The following STON2 variants were observed in gnomAD, a reference collection of about 807,000 sequenced individuals.
STON2 encodes the protein stonin-2.
Under a neutral mutation model 65.7 loss-of-function variants are expected in STON2, and 29 were observed. That is an observed-to-expected ratio of 0.44 (90% CI 0.33 to 0.60). The LOEUF is 0.60. Ranked by LOEUF, STON2 falls within the 20% of genes least tolerant of loss-of-function variation. The pLI is 0.03. For synonymous variants in STON2, 404 were observed against 414.2 expected (o/e 0.98, Z 0.30); for missense variants, 1,054 against 1,118.1 (o/e 0.94, Z 0.82).
intron 2 of STON2, among the ~76,000 whole-genome samples, chr14:81,397,761 C>T (rs1456769208): frequency 6.6e-6 from 1 of 152,192 alleles, no homozygotes; most frequent in African/African-American, 2.4e-5. Context: ...GAGCTCTTTC[C>T]ACGTGCCAGG....
intron 7 of STON2, chr14:81,269,292 C>T (rs896738883): frequency 7.0e-5 from 69 of 984,372 alleles, no homozygotes; most frequent in Non-Finnish European, 8.2e-5. Context: ...AGCCATGAGC[C>T]ACAGCACCCG....
In STON2 at chr14:81,278,701, T is replaced by A. The variant is rs374293495; in HGVS notation, c.781A>T (p.Met261Leu). The change falls in exon 6 of 8, where the codon ATG (methionine) becomes TTG (leucine). Residue 261 changes from methionine (M) to leucine (L), a missense_variant. Physicochemically the swap from Met to Leu is conservative, Grantham distance 15 (BLOSUM62 2). Coordinates refer to ENST00000614646, the MANE Select transcript of STON2 (RefSeq NM_001394390.1). ...SSLQEDEEVE[M>L]EAISWQASSP... is the part of the protein sequence containing the mutation. ...CTGGCCTGCCAGCTGATGGCCTCCATCTCTACTTCTTCATCTTCTTGAAGC... is the reference window on the plus strand; with the variant it reads ...CTGGCCTGCCAGCTGATGGCCTCCAACTCTACTTCTTCATCTTCTTGAAGC... 6.6e-7 allele frequency: 1 copy of A among 1,520,692 alleles called. No individual in the cohort carries two copies. Among genetic ancestry groups the A allele is most frequent in the African/African-American group, 1.4e-5 (1 of 71,684 alleles). 94.2% of individuals were successfully genotyped at this position (1,520,692 alleles called of 1,614,324 possible).
At chr14:81,362,998 A>G (rs1269582697) in intron 4 of STON2, among the ~76,000 whole-genome samples, 1 of 152,190 alleles carries the variant, frequency 6.6e-6, no homozygotes, top group Non-Finnish European at 1.5e-5. Flanking sequence ...CGGAGGCAGC[A>G]CTGCATCTGG....
chr14:81,420,264 C>T (rs971336314), intron 2 of STON2, among the ~76,000 whole-genome samples: 35 of 152,222 alleles, frequency 2.3e-4, no homozygotes, highest in African/African-American at 3.4e-4. Context: ...ATGGCCAATA[C>T]GGAAAGTTAA....
chr14:81,407,206 T>C (rs926775667), intron 2 of STON2, among the ~76,000 whole-genome samples: 1 of 152,108 alleles, frequency 6.6e-6, no homozygotes, highest in Admixed American at 6.6e-5. Flanking sequence ...GAACTGGAAG[T>C]CCTCCCCTGG....
intron 2 of STON2, among the ~76,000 whole-genome samples, chr14:81,414,628 G>GA (rs904445418): frequency 7.0e-4 from 103 of 147,742 alleles, no homozygotes; most frequent in African/African-American, 1.6e-3. Context: ...TACTAGATGT[G>GA]AAAAAAAAAA....
At chr14:81,354,209 C>A (rs1262684220) in intron 4 of STON2, among the ~76,000 whole-genome samples, 1 of 152,214 alleles carries the variant, frequency 6.6e-6, no homozygotes, top group East Asian at 1.9e-4. Flanking sequence ...AGCCTGACTG[C>A]AGAGGTCAGC....
In STON2 at chr14:81,267,266, T is replaced by C. The variant is rs1389099264; in HGVS notation, c.*1148A>G. On this transcript the variant is annotated 3_prime_UTR_variant, in exon 8 of 8. Transcript: ENST00000614646. The stretch of plus-strand genomic sequence containing the variant: ...AGCGTTCTGACTCTTGGAATCAGAA[T>C]ATAATGTTCCCAACATTAGAAAAAT... The C allele has an allele frequency of 6.1e-6, 6 of 985,318 alleles. No individual in the cohort carries two copies. Among genetic ancestry groups the C allele is most frequent in the Non-Finnish European group, 7.2e-6 (6 of 829,942 alleles). 61.0% of individuals were successfully genotyped at this position (985,318 alleles called of 1,614,324 possible).
rs950302909 is a variant in STON2, at chr14:81,284,840, T to C, written c.743-6101A>G. ...GACTTTAAGTTGAAGCCATTGCTCA[T>C]TAACCATTCAAAAAATCTTAGCACC... On this transcript the variant is annotated intron_variant, in intron 5 of 7. Transcript: ENST00000614646. 5.9e-5 allele frequency among the ~76,000 whole-genome samples: 9 copies of C among 152,202 alleles called. No homozygotes were observed. In the East Asian group the frequency reaches 1.7e-3, roughly 29 times the overall value.
chr14:81,340,130 G>A (rs1897544845), intron 4 of STON2, among the ~76,000 whole-genome samples: 2 of 152,302 alleles, frequency 1.3e-5, no homozygotes, highest in South Asian at 2.1e-4. Context: ...CTCCAGCCTG[G>A]GCGACAGAGC....
At chr14:81,292,347 G>A (rs139932356) in intron 5 of STON2, among the ~76,000 whole-genome samples, 1 of 152,290 alleles carries the variant, frequency 6.6e-6, no homozygotes, top group East Asian at 1.9e-4. Flanking sequence ...AAAGAGGAGA[G>A]GTCAGTGAGA....
chr14:81,327,210 C>T (rs1438258392), intron 4 of STON2, among the ~76,000 whole-genome samples: 2 of 152,204 alleles, frequency 1.3e-5, no homozygotes, highest in African/African-American at 4.8e-5. Flanking sequence ...AGTCTCTAGA[C>T]AGTGTTAAAT....
chr14:81,348,870 A>G (rs1295500763), intron 4 of STON2, among the ~76,000 whole-genome samples: 1 of 128,600 alleles, frequency 7.8e-6, no homozygotes, highest in South Asian at 2.7e-4. Context: ...TATAGTGACT[A>G]AACAGCATGG....
chr14:81,366,576 T>TG (rs1418531539), intron 4 of STON2, among the ~76,000 whole-genome samples: 3 of 148,998 alleles, frequency 2.0e-5, no homozygotes, highest in African/African-American at 5.0e-5. Flanking sequence ...CGGCAGGGGG[T>TG]GGGGGGGCAA....
At position 81,268,144 on chromosome 14, in the gene STON2, T is replaced by A; in HGVS notation, c.*270A>T. 1 of 1,081,560 alleles carries A rather than the reference T, an allele frequency of 9.2e-7. No homozygotes were observed. The highest frequency in any genetic ancestry group is 7.9e-5 in the East Asian group (1 of 12,658). The allele number at this position is 1,081,560 out of a possible 1,614,324, so 67.0% of individuals were successfully genotyped here. A position where few individuals can be genotyped will look rare whatever the true frequency, so the allele number is the denominator to read the frequency against. ...TAAGCAGAGACAAGACAAGGAGGCT[T>A]AATTATACAGTAAGCTCCAACAGTC... On this transcript the variant is annotated 3_prime_UTR_variant, in exon 8 of 8. Transcript: ENST00000614646.
intron 5 of STON2, among the ~76,000 whole-genome samples, chr14:81,322,287 T>C (rs907620388): frequency 8.5e-5 from 13 of 152,218 alleles, no homozygotes; most frequent in African/African-American, 2.7e-4. Context: ...TACAAATGCC[T>C]ATGAGAGTCA....
rs757594597 is a variant in STON2, at chr14:81,270,691, A to G, written c.2763T>C (p.Tyr921=). The part of the protein sequence containing the change: ...DKTDVRKWVN[Y]SAHYSYQVEI... ...CTACCTGGTAGCTGTAGTGTGCAGA[A>G]TAATTGACCCACTTCCTGACGTCAG... Residue 921 remains tyrosine (Y), a synonymous_variant, in exon 7 of 8, where the codon TAT becomes TAC. Coordinates refer to ENST00000614646, the MANE Select transcript of STON2 (RefSeq NM_001394390.1). The G allele has an allele frequency of 1.9e-6, 3 of 1,614,094 alleles. No homozygotes were observed. Among genetic ancestry groups the G allele is most frequent in the Non-Finnish European group, 2.5e-6 (3 of 1,180,056 alleles).
intron 3 of STON2, among the ~76,000 whole-genome samples, chr14:81,380,472 A>G (rs556521238): frequency 1.3e-5 from 2 of 152,362 alleles, no homozygotes; most frequent in East Asian, 3.9e-4. Context: ...CATTTGACCT[A>G]GCAATCCCAT....
chr14:81,275,946 A>G (rs1423471484), intron 6 of STON2, among the ~76,000 whole-genome samples: 1 of 152,228 alleles, frequency 6.6e-6, no homozygotes, highest in East Asian at 1.9e-4. Context: ...TTCACTCAAG[A>G]GTTTTTCCAA....
Sources: allele counts gnomAD v4.1 joint callset (sites outside exome capture counted in the v4.1 genomes callset), GRCh38; gene constraint gnomAD v4.1.1; transcripts MANE v1.5; gene names NCBI Gene and HGNC (gene_info 2026-07-23, HGNC 2026-07-21).